The following IGF1R variants were observed in gnomAD, a reference collection of about 807,000 sequenced individuals.
IGF1R encodes insulin like growth factor 1 receptor, also known as insulin-like growth factor 1 receptor.
A neutral mutation model predicts 144.6 loss-of-function variants in IGF1R; 44 were observed. The ratio of observed to expected loss-of-function variants is 0.30; its 90% CI spans 0.24 to 0.39. IGF1R has a LOEUF of 0.39. IGF1R is among the 10% of genes least tolerant of loss of function. The probability of loss-of-function intolerance (pLI) is 1.00; values close to 1 mark genes in which losing one functional copy is unlikely to be tolerated. For synonymous variants in IGF1R, 795 were observed against 722.8 expected (o/e 1.10, Z -1.60); for missense variants, 1,355 against 1,833.7 (o/e 0.74, Z 4.77).
intron 1 of IGF1R, among the ~76,000 whole-genome samples, chr15:98,670,585 C>T (rs1012688467): frequency 2.6e-5 from 4 of 152,144 alleles, no homozygotes; most frequent in Non-Finnish European, 5.9e-5. Flanking sequence ...TGAAATAACC[C>T]TGAGCCTTTT....
chr15:98,961,748 C>T lies in IGF1R; in HGVS notation c.*4306C>T. The T allele has an allele frequency of 8.6e-6, 2 of 233,560 alleles. No individual in the cohort carries two copies. The highest frequency in any genetic ancestry group is 1.7e-5 in the Non-Finnish European group (2 of 118,042). 14.5% of individuals were successfully genotyped at this position (233,560 alleles called of 1,614,324 possible). A position where few individuals can be genotyped will look rare whatever the true frequency, so the allele number is the denominator to read the frequency against. ...AGACACTGTTGAACTTGATCAAGAC[C>T]CAGACCACCCCAGGTCTCCTTCGTG... is the stretch of plus-strand genomic sequence containing the variant. On this transcript the variant is annotated 3_prime_UTR_variant, in exon 21 of 21. Transcript: ENST00000650285.
intron 2 of IGF1R, among the ~76,000 whole-genome samples, chr15:98,765,796 C>CA (rs2055422419): frequency 6.6e-6 from 1 of 152,170 alleles, no homozygotes; most frequent in South Asian, 2.1e-4. Flanking sequence ...CATGATTGCA[C>CA]AACCCACTCC....
intron 3 of IGF1R, among the ~76,000 whole-genome samples, chr15:98,896,038 C>G (rs747271456): frequency 1.3e-5 from 2 of 152,010 alleles, no homozygotes; most frequent in African/African-American, 4.8e-5. Context: ...GTCCCTGACT[C>G]TTGGTGGTTC....
At chr15:98,710,230 C>T (rs2053961391) in intron 2 of IGF1R, among the ~76,000 whole-genome samples, 1 of 152,196 alleles carries the variant, frequency 6.6e-6, no homozygotes, top group Non-Finnish European at 1.5e-5. Flanking sequence ...CCTTGACCAT[C>T]CCAGCCCTGC....
intron 1 of IGF1R, among the ~76,000 whole-genome samples, chr15:98,703,820 A>T (rs1254671493): frequency 6.6e-6 from 1 of 152,232 alleles, no homozygotes; most frequent in East Asian, 1.9e-4. Flanking sequence ...CTTTGTCTTC[A>T]TGTTGTTTCA....
chr15:98,935,507 G>C lies in IGF1R; in HGVS notation c.3297+81G>C. ...TATAATCTCCCTGCAAGGAAATGCT[G>C]TGTCTTTAAATCAGTTTACTTTCCA... On this transcript the variant is annotated intron_variant, in intron 17 of 20. Transcript: ENST00000650285. This position sits in a 1 kb window ranked among gnomAD's most constrained non-coding sequence, Gnocchi z 4.2. 1.2e-6 allele frequency: 1 copy of C among 846,718 alleles called. No homozygotes were observed. 52.5% of individuals were successfully genotyped at this position (846,718 alleles called of 1,614,324 possible).
At chr15:98,670,947 AG>A (rs2052873952) in intron 1 of IGF1R, among the ~76,000 whole-genome samples, 1 of 151,914 alleles carries the variant, frequency 6.6e-6, no homozygotes, top group South Asian at 2.1e-4. Flanking sequence ...TTCCTGTTGT[AG>A]GGACCCTTAG....
At chr15:98,815,520 A>G (rs924684194) in intron 2 of IGF1R, among the ~76,000 whole-genome samples, 2 of 152,228 alleles carry the variant, frequency 1.3e-5, no homozygotes, top group African/African-American at 2.4e-5. Context: ...GGGAAAAGCT[A>G]TGGCATCCTA....
chr15:98,934,640 A>G (rs1030717995), intron 15 of IGF1R, among the ~76,000 whole-genome samples, 184 bp from the exon 16 acceptor site: 5 of 152,188 alleles, frequency 3.3e-5, no homozygotes, highest in Admixed American at 1.3e-4. Context: ...TACTGACTGT[A>G]CAGTTTTCTT....
At chr15:98,799,222 C>T (rs764255706) in intron 2 of IGF1R, among the ~76,000 whole-genome samples, 17 of 152,088 alleles carry the variant, frequency 1.1e-4, no homozygotes, top group African/African-American at 3.4e-4. Context: ...CTCCCCCTTT[C>T]GTGAGCCCCT....
At chr15:98,930,392 G>A in intron 15 of IGF1R, 87 bp downstream of exon 15, 1 of 852,800 alleles carries the variant, frequency 1.2e-6, no homozygotes, top group Middle Eastern at 3.3e-4. Context: ...GGAAAGGAAG[G>A]AGGTTTGCAT....
chr15:98,843,534 A>G (rs1409060356), intron 2 of IGF1R, among the ~76,000 whole-genome samples: 2 of 152,148 alleles, frequency 1.3e-5, no homozygotes, highest in Non-Finnish European at 2.9e-5. Context: ...AAAAGTTTTT[A>G]AAATATTAAA....
chr15:98,922,918 T>C (rs34688626), intron 11 of IGF1R, among the ~76,000 whole-genome samples: 11,460 of 152,270 alleles, frequency 0.075, 514 homozygotes, highest in African/African-American at 0.12. Context: ...TGCCTGTCAC[T>C]CGGGCATTCA....
At chr15:98,903,141 A>G (rs1004698478) in intron 5 of IGF1R, among the ~76,000 whole-genome samples, 3 of 152,218 alleles carry the variant, frequency 2.0e-5, no homozygotes, top group Non-Finnish European at 2.9e-5. Flanking sequence ...TGTAATCCAC[A>G]TGTACACAAT....
At chr15:98,954,749 C>T (rs2016912644) in intron 20 of IGF1R, among the ~76,000 whole-genome samples, 1 of 152,186 alleles carries the variant, frequency 6.6e-6, no homozygotes, top group Admixed American at 6.5e-5. Context: ...ACAGCCCAGG[C>T]ATTTCATGTC....
In IGF1R at chr15:98,953,518, G is replaced by A. The variant is rs117061210; in HGVS notation, c.3723-3543G>A. On this transcript the variant is annotated intron_variant, in intron 20 of 20. Transcript: ENST00000650285. Reference sequence around the variant, plus strand: ...GCTGACCCTGAGGTCACACAGATGAGCCAGGAGTGGCCCTGGCTTTCAGGA... The same window carrying A: ...GCTGACCCTGAGGTCACACAGATGAACCAGGAGTGGCCCTGGCTTTCAGGA... 9.1e-3 allele frequency among the ~76,000 whole-genome samples: 1,384 copies of A among 152,288 alleles called. 9 individuals carry two copies. Among genetic ancestry groups the A allele is most frequent in the Admixed American group, 0.013 (202 of 15,290 alleles).
chr15:98,707,439 A>G lies in IGF1R; in HGVS notation c.95-123A>G, dbSNP rs533342577. The G allele has an allele frequency of 2.3e-5, 24 of 1,041,886 alleles. No homozygotes were observed. Among genetic ancestry groups the G allele is most frequent in the East Asian group, 5.2e-5 (2 of 38,618 alleles). The allele number at this position is 1,041,886 out of a possible 1,614,324, so 64.5% of individuals were successfully genotyped here. On this transcript the variant is annotated intron_variant, in intron 1 of 20. Transcript: ENST00000650285. This position sits in a 1 kb window ranked among gnomAD's most constrained non-coding sequence, Gnocchi z 6.7. Reference sequence around the variant, plus strand: ...GCAACCCACAGCTCTGCAGTGAACAATTGAACCTCATTTCTTTAATAATAA... The same window carrying G: ...GCAACCCACAGCTCTGCAGTGAACAGTTGAACCTCATTTCTTTAATAATAA...
At chr15:98,657,301 G>A (rs750920100) in intron 1 of IGF1R, among the ~76,000 whole-genome samples, 71 of 152,198 alleles carry the variant, frequency 4.7e-4, no homozygotes, top group Middle Eastern at 3.2e-3. Context: ...GAAAAAGTAG[G>A]AAGCATGGAG....
chr15:98,841,050 C>T (rs1017999151), intron 2 of IGF1R, among the ~76,000 whole-genome samples: 1 of 152,006 alleles, frequency 6.6e-6, no homozygotes, highest in Non-Finnish European at 1.5e-5. Flanking sequence ...CGTGAGCCAC[C>T]GCATCTGGTC....
Sources: allele counts gnomAD v4.1 joint callset (sites outside exome capture counted in the v4.1 genomes callset), GRCh38; gene constraint gnomAD v4.1.1; non-coding constraint Gnocchi (gnomAD v3.1); transcripts MANE v1.5; gene names NCBI Gene and HGNC (gene_info 2026-07-23, HGNC 2026-07-21).